The following BTBD8 variants were observed in gnomAD, a reference collection of about 807,000 sequenced individuals.
BTBD8 encodes BTB domain containing 8.
In BTBD8, 110 loss-of-function variants were observed where a neutral mutation model predicts 162.9. That is an observed-to-expected ratio of 0.68 (90% CI 0.58 to 0.79). The LOEUF is 0.79. BTBD8 is among the 30% of genes least tolerant of loss of function. BTBD8 has a pLI of 0.00. For synonymous variants in BTBD8, 667 were observed against 716.1 expected (o/e 0.93, Z 1.10); for missense variants, 1,905 against 2,085.4 (o/e 0.91, Z 1.68).
chr1:92,180,208 T>C, intron 16 of BTBD8, 57 bp from the exon 17 acceptor site: 6 of 1,239,864 alleles, frequency 4.8e-6, no homozygotes, highest in Non-Finnish European at 6.6e-6. Context: ...TACTAAATTT[T>C]ACTCACAAAT....
At chr1:92,133,114 C>T (rs1462831328) in intron 5 of BTBD8, among the ~76,000 whole-genome samples, 1 of 152,124 alleles carries the variant, frequency 6.6e-6, no homozygotes, top group Non-Finnish European at 1.5e-5. Context: ...TGAAACAATA[C>T]ACAAAACAAA....
chr1:92,085,312 C>A (rs552961941), intron 1 of BTBD8, among the ~76,000 whole-genome samples: 1 of 152,332 alleles, frequency 6.6e-6, no homozygotes, highest in South Asian at 2.1e-4. Context: ...ACAGGCCTGG[C>A]TGGGCACGGT....
At chr1:92,110,896 G>A (rs1449005846) in intron 4 of BTBD8, among the ~76,000 whole-genome samples, 5 of 151,516 alleles carry the variant, frequency 3.3e-5, no homozygotes, top group African/African-American at 1.2e-4. Context: ...TATGAAAGAA[G>A]TTGAATGTTA....
chr1:92,117,057 T>C (rs1241657929), intron 4 of BTBD8, among the ~76,000 whole-genome samples: 1 of 151,850 alleles, frequency 6.6e-6, no homozygotes, highest in African/African-American at 2.4e-5. Flanking sequence ...GCATTATTGC[T>C]CAGGCTGGTC....
chr1:92,101,871 A>C (rs1648599514), intron 2 of BTBD8, among the ~76,000 whole-genome samples: 1 of 151,714 alleles, frequency 6.6e-6, no homozygotes, highest in African/African-American at 2.4e-5. Context: ...TAAGTTTTTA[A>C]ATTTTTTGTA....
At position 92,166,924 on chromosome 1, in the gene BTBD8, G is replaced by A. The variant is rs946537293; in HGVS notation, c.1123-34G>A. ...GAGAGTTATTTTATTAGCAGTAATA[G>A]CATCTAACTTTCCAATTTTTTTTTA... is the stretch of plus-strand genomic sequence containing the variant. On this transcript the variant is annotated intron_variant, in intron 9 of 17. Transcript: ENST00000636805. 5.3e-6 allele frequency: 8 copies of A among 1,518,128 alleles called. No individual in the cohort carries two copies. In the Admixed American group the frequency reaches 1.1e-4, roughly 21 times the overall value. 94.0% of individuals were successfully genotyped at this position (1,518,128 alleles called of 1,614,324 possible).
chr1:92,102,030 A>C (rs1175526240), intron 2 of BTBD8, among the ~76,000 whole-genome samples: 4 of 151,700 alleles, frequency 2.6e-5, no homozygotes, highest in Admixed American at 6.6e-5. Context: ...TATTATTATT[A>C]TTCTTTTTTG....
chr1:92,183,989 A>G lies in BTBD8; in HGVS notation c.5038A>G (p.Thr1680Ala). Residue 1680 changes from threonine to alanine, a missense_variant, in exon 18 of 18, where the codon ACA becomes GCA. By Grantham distance (58) the Thr-to-Ala change is moderately conservative (BLOSUM62 0). Around this residue, in one of 3 missense-constraint regions of BTBD8, gnomAD observed 517 missense variants for 606.6 expected, o/e 0.85. Transcript: ENST00000636805. Reference protein sequence around the residue: ...EAFEQKVESETHVTDMDFEDD... With the variant: ...EAFEQKVESEAHVTDMDFEDD... ...ATTTGAGCAGAAAGTGGAATCAGAA[A>G]CACATGTTACAGATATGGATTTTGA... The G allele has an allele frequency of 6.4e-7, 1 of 1,551,608 alleles. No homozygotes were observed. Among genetic ancestry groups the G allele is most frequent in the African/African-American group, 1.4e-5 (1 of 73,150 alleles).
At position 92,107,885 on chromosome 1, in the gene BTBD8, T is replaced by G. The variant is rs1383804034; in HGVS notation, c.546T>G (p.Asp182Glu). The change falls in exon 4 of 18, where the codon GAT (aspartate) becomes GAG (glutamate). Residue 182 changes from aspartate to glutamate, a missense_variant and splice_region_variant. Around this residue, in one of 3 missense-constraint regions of BTBD8, gnomAD observed 1,374 missense variants for 1,442.7 expected, o/e 0.95. Transcript: ENST00000636805. ...TAGTCTTGTTTTTCTTTTTTAAAGA[T>G]AATTATGACTTGGAGCCTGCATCTG... ...SDRDDDFISN[D>E]NYDLEPASEL... 6.2e-7 allele frequency: 1 copy of G among 1,604,664 alleles called. No individual in the cohort carries two copies. Among genetic ancestry groups the G allele is most frequent in the East Asian group, 2.2e-5 (1 of 44,814 alleles).
intron 13 of BTBD8, among the ~76,000 whole-genome samples, chr1:92,175,928 G>C (rs937253290): frequency 6.6e-6 from 1 of 152,144 alleles, no homozygotes; most frequent in African/African-American, 2.4e-5. Flanking sequence ...AAATGATGAA[G>C]TAGGTATGTT....
intron 4 of BTBD8, chr1:92,114,979 T>C (rs1233244102): frequency 1.0e-5 from 3 of 289,560 alleles, no homozygotes; most frequent in African/African-American, 4.5e-5. Context: ...CTGGTGCTCA[T>C]TGTAGCCCCA....
rs367748455 is a variant in BTBD8, at chr1:92,139,205, G to T, written c.753-145G>T. 244 of 758,960 alleles carry T rather than the reference G, an allele frequency of 3.2e-4. 2 individuals are homozygous for T. Among genetic ancestry groups the T allele is most frequent in the African/African-American group, 2.4e-3 (131 of 55,174 alleles). 47.0% of individuals were successfully genotyped at this position (758,960 alleles called of 1,614,324 possible). A position where few individuals can be genotyped will look rare whatever the true frequency, so the allele number is the denominator to read the frequency against. On this transcript the variant is annotated intron_variant, in intron 5 of 17. Transcript: ENST00000636805. ...TTCTGTTTAAATTAATGGTATACCT[G>T]CATGGATGTTATTTGAAGAGTATAT... is the stretch of plus-strand genomic sequence containing the variant.
intron 13 of BTBD8, among the ~76,000 whole-genome samples, chr1:92,175,499 A>AAAAAAAAAAT: frequency 6.7e-6 from 1 of 149,184 alleles, no homozygotes; most frequent in African/African-American, 2.5e-5. Flanking sequence ...AAAAAAAAAA[A>AAAAAAAAAAT]GAATGACAAT....
intron 9 of BTBD8, among the ~76,000 whole-genome samples, chr1:92,155,387 T>A (rs1557458921): frequency 6.6e-6 from 1 of 152,182 alleles, no homozygotes; most frequent in African/African-American, 2.4e-5. Flanking sequence ...AATCCATGAG[T>A]ACTGCATGTC....
At chr1:92,173,156 C>T (rs1650602224) in intron 13 of BTBD8, among the ~76,000 whole-genome samples, 1 of 152,220 alleles carries the variant, frequency 6.6e-6, no homozygotes, top group South Asian at 2.1e-4. Flanking sequence ...AACTCCCGAC[C>T]TCAGGTGATC....
intron 12 of BTBD8, among the ~76,000 whole-genome samples, chr1:92,170,902 T>G (rs887494723): frequency 1.3e-5 from 2 of 151,922 alleles, no homozygotes; most frequent in Admixed American, 1.3e-4. Context: ...AGAACCTTAT[T>G]TTTTTATTTT....
At position 92,167,861 on chromosome 1, in the gene BTBD8, G is replaced by A. The variant is rs146458322; in HGVS notation, c.1319G>A (p.Ser440Asn). 4.1e-4 allele frequency: 640 copies of A among 1,549,522 alleles called. No homozygotes were observed. Among genetic ancestry groups the A allele is most frequent in the Non-Finnish European group, 4.9e-4 (566 of 1,145,536 alleles). Residue 440 changes from serine to asparagine, a missense_variant, in exon 11 of 18, where the codon AGC becomes AAC. Physicochemically the swap from Ser to Asn is conservative, Grantham distance 46. This residue lies in a region of BTBD8 where 1,374 missense variants were observed against 1,442.7 expected (regional missense o/e 0.95). Transcript: ENST00000636805. The stretch of plus-strand genomic sequence containing the variant: ...TGTGTTTTATAGTCACAAGCAATGA[G>A]CAGCACAGCCGATCTGTTGGACACA... The part of the protein sequence containing the change: ...FALLLQSQAM[S>N]STADLLDTIL...
chr1:92,181,324 A>G lies in BTBD8; in HGVS notation c.3641A>G (p.Asn1214Ser), dbSNP rs1286877245. ...CTATCAGAAAAAAATTCTCCTAAAA[A>G]TATGGAAACATCAGAATCTCCAGAG... ...GQLSEKNSPK[N>S]METSESPESH... The change falls in exon 17 of 18, where the codon AAT becomes AGT. Residue 1214 changes from asparagine to serine, a missense_variant. By Grantham distance (46) the Asn-to-Ser change is conservative. Around this residue, in one of 3 missense-constraint regions of BTBD8, gnomAD observed 1,374 missense variants for 1,442.7 expected, o/e 0.95. Transcript: ENST00000636805. The G allele has an allele frequency of 2.6e-6, 4 of 1,551,382 alleles. No homozygotes were observed. Among genetic ancestry groups the G allele is most frequent in the Non-Finnish European group, 2.6e-6 (3 of 1,146,958 alleles).
chr1:92,157,686 T>C (rs1265242094), intron 9 of BTBD8, among the ~76,000 whole-genome samples: 2 of 151,488 alleles, frequency 1.3e-5, no homozygotes. Context: ...TTGGTAGGGA[T>C]AGGGTCTTGC....
Sources: allele counts gnomAD v4.1 joint callset (sites outside exome capture counted in the v4.1 genomes callset), GRCh38; gene constraint gnomAD v4.1.1; regional missense constraint gnomAD v4.1.1; transcripts MANE v1.5; gene names NCBI Gene and HGNC (gene_info 2026-07-23, HGNC 2026-07-21).